SLC15A1: variants seen among roughly 807,000 people sequenced by gnomAD.
The protein encoded by SLC15A1 is solute carrier family 15 member 1.
Under a neutral mutation model 92.9 loss-of-function variants are expected in SLC15A1, and 83 were observed. The observed-to-expected ratio is 0.89, with a 90% CI of 0.75 to 1.07. SLC15A1 has a LOEUF of 1.07. Ranked by LOEUF, SLC15A1 falls within the 50% of genes least tolerant of loss-of-function variation. The pLI is 0.00. For missense variants in SLC15A1, 857 were observed against 880.1 expected (o/e 0.97, Z 0.33); for synonymous variants, 322 against 318.2 (o/e 1.01, Z -0.13).
At position 98,709,849 on chromosome 13, in the gene SLC15A1, CA is replaced by C; in HGVS notation, c.945+17del. 6.2e-7 allele frequency: 1 copy of C among 1,614,136 alleles called. No individual in the cohort carries two copies. The highest frequency in any genetic ancestry group is 1.1e-5 in the South Asian group (1 of 91,082). On this transcript the variant is annotated intron_variant, in intron 12 of 22. Transcript: ENST00000376503. Reference sequence around the variant, plus strand: ...AAGAAAGGGGACAAAGAAACTAAAACAAAGGAGTCAAACTTACGATTTTCCC... The same window carrying C: ...AAGAAAGGGGACAAAGAAACTAAAACAAGGAGTCAAACTTACGATTTTCCC...
intron 18 of SLC15A1, among the ~76,000 whole-genome samples, chr13:98,693,094 T>G (rs2087994549): frequency 7.5e-6 from 1 of 134,168 alleles, no homozygotes; most frequent in South Asian, 2.6e-4. Flanking sequence ...TACGTTTTTT[T>G]TTTTTTTTTT....
chr13:98,690,790 C>A (rs1390658279), intron 18 of SLC15A1, among the ~76,000 whole-genome samples: 1 of 152,150 alleles, frequency 6.6e-6, no homozygotes, highest in African/African-American at 2.4e-5. Context: ...ACCTGTGCAA[C>A]GTTGGCTGCA....
At chr13:98,710,432 T>C (rs2088152218) in intron 11 of SLC15A1, among the ~76,000 whole-genome samples, 1 of 152,146 alleles carries the variant, frequency 6.6e-6, no homozygotes, top group Non-Finnish European at 1.5e-5. Flanking sequence ...CACAGGACTG[T>C]ACAGGTAAAT....
intron 18 of SLC15A1, 93 bp from the exon 19 acceptor site, chr13:98,688,670 A>G (rs754830549): frequency 2.8e-5 from 23 of 833,790 alleles, no homozygotes; most frequent in Middle Eastern, 4.9e-4. Flanking sequence ...AATACTCCCT[A>G]TTTTGAAGGA....
chr13:98,736,539 T>C (rs1399304182), intron 1 of SLC15A1, among the ~76,000 whole-genome samples: 1 of 152,118 alleles, frequency 6.6e-6, no homozygotes, highest in Non-Finnish European at 1.5e-5. Flanking sequence ...GAAACTGCCA[T>C]CGGAGTGAAC....
At chr13:98,730,232 G>A (rs1305178303) in intron 1 of SLC15A1, among the ~76,000 whole-genome samples, 9 of 78,930 alleles carry the variant, frequency 1.1e-4, no homozygotes. Context: ...AAGGGAAGGG[G>A]AAGGGAAGGG....
chr13:98,716,635 T>C (rs2088213311), intron 8 of SLC15A1, among the ~76,000 whole-genome samples: 1 of 151,650 alleles, frequency 6.6e-6, no homozygotes, highest in African/African-American at 2.4e-5. Flanking sequence ...ATAATAAAAA[T>C]AAAAATAAAT....
intron 1 of SLC15A1, among the ~76,000 whole-genome samples, chr13:98,744,748 C>CAA (rs5806073): frequency 0.028 from 2,290 of 81,812 alleles, 66 homozygotes; most frequent in African/African-American, 0.074. Flanking sequence ...GATTCCATCT[C>CAA]AAAAAAAAAA....
chr13:98,723,909 C>T lies in SLC15A1; in HGVS notation c.365+3G>A. ...ATGGGGGCAGCAGTGAGCACCAACT[C>T]ACACGTGCACAGGAAGGCTGTCGGG... On this transcript the variant is annotated splice_donor_region_variant and intron_variant, in intron 5 of 22. Coordinates refer to ENST00000376503, the MANE Select transcript of SLC15A1 (RefSeq NM_005073.4). 1 of 1,614,104 alleles carries T rather than the reference C, an allele frequency of 6.2e-7. No individual in the cohort carries two copies. The highest frequency in any genetic ancestry group is 8.5e-7 in the Non-Finnish European group (1 of 1,179,978).
intron 4 of SLC15A1, among the ~76,000 whole-genome samples, chr13:98,725,863 C>A (rs1394636420): frequency 6.6e-6 from 1 of 152,090 alleles, no homozygotes; most frequent in Non-Finnish European, 1.5e-5. Flanking sequence ...CTAGCTGGGG[C>A]CACAGGTGTA....
chr13:98,699,187 A>C (rs150731816), intron 18 of SLC15A1, among the ~76,000 whole-genome samples: 19 of 152,312 alleles, frequency 1.2e-4, no homozygotes, highest in African/African-American at 4.6e-4. Context: ...AAATGGAATT[A>C]TACAATTATT....
chr13:98,724,764 C>T (rs2088286061), intron 4 of SLC15A1, among the ~76,000 whole-genome samples: 1 of 152,204 alleles, frequency 6.6e-6, no homozygotes, highest in Non-Finnish European at 1.5e-5. Flanking sequence ...TGAGCCACCG[C>T]ACCCAGCCTA....
intron 6 of SLC15A1, 70 bp downstream of exon 6, chr13:98,721,734 G>A: frequency 7.6e-6 from 11 of 1,447,544 alleles, no homozygotes; most frequent in Non-Finnish European, 1.1e-5. Flanking sequence ...AACAGACTTT[G>A]TGCCCGTGGC....
chr13:98,723,865 C>A (rs369555093), intron 5 of SLC15A1, 47 bp downstream of exon 5: 2 of 1,609,904 alleles, frequency 1.2e-6, no homozygotes, highest in Non-Finnish European at 1.7e-6. Flanking sequence ...GCATCAAATG[C>A]GCACAAGGTG....
At chr13:98,718,525 C>A (rs1370683749) in intron 8 of SLC15A1, among the ~76,000 whole-genome samples, 3 of 151,786 alleles carry the variant, frequency 2.0e-5, no homozygotes, top group Non-Finnish European at 1.5e-5. Context: ...AAAACAACAA[C>A]AAAAAAACCA....
At chr13:98,729,007 C>CAAAAAAAAAAAAAAAAAAAAAA in intron 1 of SLC15A1, among the ~76,000 whole-genome samples, 1 of 69,654 alleles carries the variant, frequency 1.4e-5, no homozygotes. Context: ...AAAAAAAAAA[C>CAAAAAAAAAAAAAAAAAAAAAA]AACAAGCCCC....
chr13:98,704,521 T>C (rs1033082495), intron 16 of SLC15A1, 86 bp from the exon 17 acceptor site: 69 of 1,340,416 alleles, frequency 5.1e-5, no homozygotes, highest in Non-Finnish European at 6.3e-5. Flanking sequence ...TTATCTGATA[T>C]TCTGCATTTC....
At chr13:98,702,627 A>C in intron 17 of SLC15A1, 98 bp from the exon 18 acceptor site, 1 of 1,006,870 alleles carries the variant, frequency 9.9e-7, no homozygotes, top group Non-Finnish European at 1.6e-6. Flanking sequence ...TGGTATTGAC[A>C]CTTATCCTAG....
intron 5 of SLC15A1, among the ~76,000 whole-genome samples, chr13:98,722,839 G>A (rs921814363): frequency 2.6e-5 from 4 of 152,250 alleles, no homozygotes; most frequent in African/African-American, 9.6e-5. Context: ...ATTTACTCTT[G>A]TGAGAATTTT....
Sources: gnomAD v4.1 joint callset for allele counts (sites outside exome capture counted in the v4.1 genomes callset) on GRCh38, gnomAD v4.1.1 for gene constraint, MANE v1.5 for transcripts, NCBI Gene and HGNC (gene_info 2026-07-23, HGNC 2026-07-21) for gene names.